Variants in FBN1 observed in about 807,000 individuals in gnomAD.
The protein encoded by FBN1 is fibrillin 1.
In FBN1, 29 loss-of-function variants were observed where a neutral mutation model predicts 365.1. The observed-to-expected ratio is 0.08, with a 90% CI of 0.06 to 0.11. The LOEUF is 0.11. Among genes scored for constraint, FBN1 ranks in the 10% least tolerant of loss-of-function variants. FBN1 has a pLI of 1.00. For missense variants in FBN1, 2,476 were observed against 3,703.2 expected, an observed-to-expected ratio of 0.67 and a Z score of 8.60; for synonymous variants, 1,210 against 1,270.5, an observed-to-expected ratio of 0.95 and a Z score of 1.01.
At chr15:48,581,839 G>C (rs1299860621) in intron 6 of FBN1, among the ~76,000 whole-genome samples, 3 of 152,108 alleles carry the variant, frequency 2.0e-5, no homozygotes, top group Non-Finnish European at 4.4e-5. Flanking sequence ...GGAGAATATA[G>C]ATGCCCCATA....
chr15:48,635,398 T>C (rs144568470), intron 2 of FBN1, among the ~76,000 whole-genome samples: 17 of 152,334 alleles, frequency 1.1e-4, no homozygotes, highest in African/African-American at 4.1e-4. Flanking sequence ...CTTGACTATA[T>C]TCCTAATCCA....
chr15:48,545,847 C>A (rs1406340838), intron 6 of FBN1, among the ~76,000 whole-genome samples: 1 of 152,118 alleles, frequency 6.6e-6, no homozygotes, highest in East Asian at 1.9e-4. Context: ...CACAGCAAAA[C>A]CCCATCTTTA....
chr15:48,574,887 A>G (rs1566930164), intron 6 of FBN1, among the ~76,000 whole-genome samples: 2 of 152,226 alleles, frequency 1.3e-5, no homozygotes, highest in East Asian at 3.8e-4. Flanking sequence ...TTAATTTAAA[A>G]GAACAAATAT....
chr15:48,593,439 C>CCT (rs2044494360), intron 6 of FBN1, among the ~76,000 whole-genome samples: 1 of 151,906 alleles, frequency 6.6e-6, no homozygotes, highest in Non-Finnish European at 1.5e-5. Context: ...TTTTTGCATC[C>CCT]CTGTTAACTG....
chr15:48,411,423 C>T (rs1215350102), intron 65 of FBN1, 44 bp from the exon 66 acceptor site: 1 of 1,570,574 alleles, frequency 6.4e-7, no homozygotes, highest in Admixed American at 1.7e-5. Context: ...TGTACATATG[C>T]CACTTAGCTC....
chr15:48,531,719 T>C (rs1376208026), intron 8 of FBN1, among the ~76,000 whole-genome samples: 1 of 152,140 alleles, frequency 6.6e-6, no homozygotes, highest in Non-Finnish European at 1.5e-5. Flanking sequence ...GTCGAAAAAG[T>C]GAACCCGGCT....
At chr15:48,520,909 T>C (rs770626650) in intron 9 of FBN1, 92 bp from the exon 10 acceptor site, 40 of 1,553,026 alleles carry the variant, frequency 2.6e-5, no homozygotes, top group Non-Finnish European at 3.3e-5. Context: ...TACTTCACAC[T>C]GGGGCTACGG....
At chr15:48,464,154 T>C in intron 40 of FBN1, 133 bp from the exon 41 acceptor site, 1 of 829,656 alleles carries the variant, frequency 1.2e-6, no homozygotes, top group Non-Finnish European at 2.0e-6. Context: ...AAAATAGGTA[T>C]TTCATTCATC....
chr15:48,460,537 G>A (rs28730791), intron 42 of FBN1, among the ~76,000 whole-genome samples: 664 of 152,280 alleles, frequency 4.4e-3, no homozygotes, highest in African/African-American at 0.015. Context: ...GATAATGAAG[G>A]AGAAGTAGAG....
At chr15:48,437,181 A>G in intron 52 of FBN1, 104 bp from the exon 53 acceptor site, 1 of 1,106,056 alleles carries the variant, frequency 9.0e-7, no homozygotes, top group Non-Finnish European at 1.4e-6. Context: ...TAATAATGCA[A>G]TAATATAATT....
At chr15:48,464,107 G>T in intron 40 of FBN1, 86 bp from the exon 41 acceptor site, 1 of 1,295,112 alleles carries the variant, frequency 7.7e-7, no homozygotes, top group Non-Finnish European at 1.1e-6. Flanking sequence ...TGACATTAGA[G>T]GAGAAAATCT....
intron 62 of FBN1, 140 bp downstream of exon 62, chr15:48,421,418 T>C: frequency 3.2e-6 from 3 of 942,004 alleles, no homozygotes; most frequent in Non-Finnish European, 5.0e-6. Flanking sequence ...ATACAGGACC[T>C]GTGCACACTA....
At chr15:48,550,276 C>T (rs1391135258) in intron 6 of FBN1, among the ~76,000 whole-genome samples, 1 of 152,200 alleles carries the variant, frequency 6.6e-6, no homozygotes, top group African/African-American at 2.4e-5. Flanking sequence ...GCAGGAAGGG[C>T]AGAGCGTGTA....
Position 48,421,926 on chromosome 15 carries a change from G to A in FBN1, c.7570+26C>T, listed in dbSNP as rs1220977747. On this transcript the variant is annotated intron_variant, in intron 61 of 65. Transcript: ENST00000316623. ...CCTTAAAAGAATCGCTACAATCCAT[G>A]TAGGATTTTTTCCTCTCCTACTCAC... 5 of 1,493,170 alleles carry A rather than the reference G, an allele frequency of 3.3e-6. No individual in the cohort carries two copies. The Admixed American group carries it at 6.7e-5, about 20-fold the overall frequency. 92.5% of individuals were successfully genotyped at this position (1,493,170 alleles called of 1,614,324 possible).
chr15:48,453,500 A>G (rs2043217977), intron 44 of FBN1, among the ~76,000 whole-genome samples: 1 of 152,178 alleles, frequency 6.6e-6, no homozygotes, highest in South Asian at 2.1e-4. Flanking sequence ...AGGGGAGATT[A>G]GGGGATACAC....
intron 44 of FBN1, among the ~76,000 whole-genome samples, chr15:48,454,890 C>A (rs2043227719): frequency 6.6e-6 from 1 of 152,208 alleles, no homozygotes; most frequent in Admixed American, 6.5e-5. Flanking sequence ...CCACCTCACT[C>A]ACCAGGTCTG....
chr15:48,610,831 G>C lies in FBN1; in HGVS notation c.248-5C>G. The C allele has an allele frequency of 6.2e-7, 1 of 1,612,260 alleles. No homozygotes were observed. The highest frequency in any genetic ancestry group is 1.1e-5 in the South Asian group (1 of 90,964). On this transcript the variant is annotated splice_polypyrimidine_tract_variant and splice_region_variant and intron_variant, in intron 3 of 65. Transcript: ENST00000316623. ...CACAGGAATGCCGGCAAATGGCTGTGAATAAACCAGAGGTCTGTTAGCACA... is the reference window on the plus strand; with the variant it reads ...CACAGGAATGCCGGCAAATGGCTGTCAATAAACCAGAGGTCTGTTAGCACA...
chr15:48,437,519 C>T (rs2043082845), intron 51 of FBN1, 132 bp from the exon 52 acceptor site: 1 of 893,830 alleles, frequency 1.1e-6, no homozygotes, highest in Non-Finnish European at 1.8e-6. Context: ...AGCCCAGAAA[C>T]CAGAGGAAGT....
chr15:48,513,411 G>T, intron 13 of FBN1, 138 bp downstream of exon 13: 1 of 1,134,150 alleles, frequency 8.8e-7, no homozygotes, highest in Non-Finnish European at 1.3e-6. Flanking sequence ...GACAATAGGT[G>T]GAACTAAGTT....
Sources: gnomAD v4.1 joint callset for allele counts (sites outside exome capture counted in the v4.1 genomes callset) on GRCh38, gnomAD v4.1.1 for gene constraint, MANE v1.5 for transcripts, NCBI Gene and HGNC (gene_info 2026-07-23, HGNC 2026-07-21) for gene names.